Variants in ARHGAP12 observed in about 807,000 individuals in gnomAD.
ARHGAP12 encodes rho GTPase-activating protein 12.
A neutral mutation model predicts 108.6 loss-of-function variants in ARHGAP12; 64 were observed. That is an observed-to-expected ratio of 0.59 (90% CI 0.48 to 0.73). The LOEUF (loss-of-function observed/expected upper bound fraction) is 0.73, where lower values mean the gene tolerates loss of function less well. Among genes scored for constraint, ARHGAP12 ranks in the 30% least tolerant of loss-of-function variants. The pLI, the probability that ARHGAP12 is intolerant of heterozygous loss-of-function variation, is 0.00. For missense variants in ARHGAP12, 940 were observed against 1,005.9 expected, an observed-to-expected ratio of 0.93 and a Z score of 0.89; for synonymous variants, 312 against 337.2, an observed-to-expected ratio of 0.93 and a Z score of 0.82.
chr10:31,908,074 A>T, intron 3 of ARHGAP12, 98 bp downstream of exon 3: 2 of 1,213,328 alleles, frequency 1.6e-6, no homozygotes, highest in Non-Finnish European at 2.2e-6. Context: ...AATACAAAGC[A>T]AAACAAGTCT....
chr10:31,902,703 C>G (rs1195316714), intron 3 of ARHGAP12, among the ~76,000 whole-genome samples: 4 of 151,144 alleles, frequency 2.6e-5, no homozygotes, highest in African/African-American at 9.7e-5. Flanking sequence ...AAATGGATCA[C>G]AAATTCAAAC....
intron 11 of ARHGAP12, among the ~76,000 whole-genome samples, chr10:31,824,195 A>T (rs56077990): frequency 0.05 from 7,679 of 152,242 alleles, 644 homozygotes; most frequent in African/African-American, 0.17. Context: ...AAAATTAGCC[A>T]TAAAATACAA....
chr10:31,851,979 T>C (rs899455495), intron 6 of ARHGAP12, among the ~76,000 whole-genome samples: 1 of 152,182 alleles, frequency 6.6e-6, no homozygotes, highest in East Asian at 1.9e-4. Context: ...TATGGCCACT[T>C]TGAAACCTAC....
intron 3 of ARHGAP12, among the ~76,000 whole-genome samples, chr10:31,880,199 G>C (rs538585591): frequency 9.2e-5 from 14 of 151,902 alleles, no homozygotes; most frequent in Non-Finnish European, 1.3e-4. Context: ...TGTTCTTTTC[G>C]ATCAGTGGTT....
chr10:31,860,379 A>C (rs565345508), intron 4 of ARHGAP12, among the ~76,000 whole-genome samples: 6 of 152,242 alleles, frequency 3.9e-5, no homozygotes, highest in African/African-American at 1.2e-4. Flanking sequence ...GCAGGATTTC[A>C]CTCTATTCTA....
At chr10:31,860,241 T>C (rs1305205384) in intron 4 of ARHGAP12, among the ~76,000 whole-genome samples, 2 of 152,350 alleles carry the variant, frequency 1.3e-5, no homozygotes, top group Non-Finnish European at 1.5e-5. Context: ...GTCTGCTAAA[T>C]ACAAGATGTG....
intron 3 of ARHGAP12, among the ~76,000 whole-genome samples, chr10:31,872,637 T>C (rs1837583660): frequency 6.6e-6 from 1 of 152,216 alleles, no homozygotes; most frequent in East Asian, 1.9e-4. Flanking sequence ...CCCCCATTTC[T>C]TTGCCTCATC....
Position 31,812,800 on chromosome 10 carries a change from A to G in ARHGAP12, c.1858T>C (p.Ser620Pro). The G allele has an allele frequency of 6.2e-7, 1 of 1,601,504 alleles. No individual in the cohort carries two copies. Among genetic ancestry groups the G allele is most frequent in the South Asian group, 1.1e-5 (1 of 90,254 alleles). ...LRSFKVSSID[S>P]SEQKKTKKNL... ...TTCTTGGTTTTTTTCTGTTCTGAAGAATCTATGCTAGATACTTTAAAGGCT... is the reference window on the plus strand; with the variant it reads ...TTCTTGGTTTTTTTCTGTTCTGAAGGATCTATGCTAGATACTTTAAAGGCT... Residue 620 changes from serine to proline, a missense_variant, in exon 15 of 20, where the codon TCT (serine) becomes CCT (proline). By Grantham distance (74) the Ser-to-Pro change is moderately conservative. Transcript: ENST00000344936.
At chr10:31,904,047 T>C (rs886998092) in intron 3 of ARHGAP12, among the ~76,000 whole-genome samples, 1 of 152,208 alleles carries the variant, frequency 6.6e-6, no homozygotes. Context: ...TAAAAACACT[T>C]GGGACTATTT....
intron 3 of ARHGAP12, among the ~76,000 whole-genome samples, chr10:31,867,223 C>G (rs1170592745): frequency 6.7e-6 from 1 of 148,828 alleles, no homozygotes; most frequent in Non-Finnish European, 1.5e-5. Flanking sequence ...ACCTTGTTTT[C>G]TTAATGAATT....
At chr10:31,859,444 A>G (rs1217507104) in intron 4 of ARHGAP12, among the ~76,000 whole-genome samples, 1 of 147,264 alleles carries the variant, frequency 6.8e-6, no homozygotes, top group Non-Finnish European at 1.5e-5. Flanking sequence ...TATCAATTAA[A>G]TATGAGAGGA....
chr10:31,924,133 A>C (rs556438465), intron 1 of ARHGAP12, among the ~76,000 whole-genome samples: 1 of 152,336 alleles, frequency 6.6e-6, no homozygotes, highest in South Asian at 2.1e-4. Context: ...CCACTGCGGA[A>C]AATAATTTGG....
intron 11 of ARHGAP12, among the ~76,000 whole-genome samples, chr10:31,825,451 C>T (rs1592257641): frequency 6.6e-6 from 1 of 152,114 alleles, no homozygotes; most frequent in South Asian, 2.1e-4. Flanking sequence ...GCACTTCAAA[C>T]TCAATTACCA....
intron 1 of ARHGAP12, among the ~76,000 whole-genome samples, chr10:31,914,028 T>C (rs1839460475): frequency 6.6e-6 from 1 of 152,188 alleles, no homozygotes; most frequent in Admixed American, 6.5e-5. Context: ...TTCTTCATCT[T>C]CAGTTGTTGT....
intron 1 of ARHGAP12, among the ~76,000 whole-genome samples, chr10:31,915,969 G>T (rs530379359): frequency 4.9e-4 from 75 of 152,122 alleles, no homozygotes; most frequent in African/African-American, 1.8e-3. Flanking sequence ...TTTTAATTTT[G>T]GGTTGTTTCT....
intron 1 of ARHGAP12, among the ~76,000 whole-genome samples, chr10:31,920,449 CAAA>C (rs71027040): frequency 1.8e-3 from 110 of 59,590 alleles, no homozygotes; most frequent in African/African-American, 6.1e-3. Context: ...GACTCCGTCT[CAAA>C]AAAAAAAAAA....
chr10:31,820,560 A>G, intron 11 of ARHGAP12, 72 bp from the exon 12 acceptor site: 1 of 757,102 alleles, frequency 1.3e-6, no homozygotes, highest in Non-Finnish European at 2.0e-6. Flanking sequence ...ATAATTAAGA[A>G]CAATTTTATA....
At chr10:31,810,598 A>T (rs753920542) in intron 16 of ARHGAP12, 51 bp downstream of exon 16, 2 of 1,281,256 alleles carry the variant, frequency 1.6e-6, no homozygotes, top group South Asian at 2.8e-5. Flanking sequence ...TGGCAAAACA[A>T]GAAGCTGGTT....
At chr10:31,914,301 A>G (rs1839471198) in intron 1 of ARHGAP12, among the ~76,000 whole-genome samples, 1 of 152,270 alleles carries the variant, frequency 6.6e-6, no homozygotes, top group Admixed American at 6.5e-5. Context: ...TCATAGTTTC[A>G]GGTTTTATAT....
Sources: allele counts gnomAD v4.1 joint callset (sites outside exome capture counted in the v4.1 genomes callset), GRCh38; gene constraint gnomAD v4.1.1; transcripts MANE v1.5; gene names NCBI Gene and HGNC (gene_info 2026-07-23, HGNC 2026-07-21).